ST13: variants seen among roughly 807,000 people sequenced by gnomAD.
ST13 encodes the protein ST13 Hsp70 interacting protein.
Under a neutral mutation model 56.7 loss-of-function variants are expected in ST13, and 23 were observed. The ratio of observed to expected loss-of-function variants is 0.41; its 90% CI spans 0.29 to 0.57. The LOEUF (loss-of-function observed/expected upper bound fraction) is 0.57. Ranked by LOEUF, ST13 falls within the 20% of genes least tolerant of loss-of-function variation. The probability of loss-of-function intolerance (pLI) is 0.36; values close to 1 mark genes in which losing one functional copy is unlikely to be tolerated. For synonymous variants in ST13, 132 were observed against 142.4 expected, an observed-to-expected ratio of 0.93 and a Z score of 0.52; for missense variants, 369 against 459.9, an observed-to-expected ratio of 0.80 and a Z score of 1.81.
intron 5 of ST13, among the ~76,000 whole-genome samples, chr22:40,837,874 T>C (rs1192372046): frequency 1.3e-5 from 2 of 152,288 alleles, no homozygotes; most frequent in Non-Finnish European, 2.9e-5. Flanking sequence ...TCTTGGACTC[T>C]TGGACTCAAG....
At chr22:40,847,995 C>T (rs142633730) in intron 3 of ST13, among the ~76,000 whole-genome samples, 152 of 151,772 alleles carry the variant, frequency 1.0e-3, no homozygotes, top group African/African-American at 3.6e-3. Context: ...TGCAGTGAGC[C>T]GAGATTGTGC....
intron 10 of ST13, among the ~76,000 whole-genome samples, chr22:40,828,233 C>A (rs2057737665): frequency 6.6e-6 from 1 of 152,128 alleles, no homozygotes; most frequent in Non-Finnish European, 1.5e-5. Context: ...CGATTATAAA[C>A]CCAAATAATC....
intron 1 of ST13, among the ~76,000 whole-genome samples, chr22:40,852,452 T>C (rs959782048): frequency 6.6e-6 from 1 of 152,250 alleles, no homozygotes; most frequent in Non-Finnish European, 1.5e-5. Context: ...TTGCAAATAT[T>C]TTCTCCCACC....
intron 3 of ST13, among the ~76,000 whole-genome samples, chr22:40,846,846 T>C (rs1355753036): frequency 1.3e-5 from 2 of 151,728 alleles, no homozygotes; most frequent in Non-Finnish European, 2.9e-5. Context: ...TACAAAAAAA[T>C]TAGCCAGGCA....
chr22:40,850,475 C>T (rs995428645), intron 2 of ST13, among the ~76,000 whole-genome samples: 1 of 152,080 alleles, frequency 6.6e-6, no homozygotes, highest in African/African-American at 2.4e-5. Context: ...ATTTACTCTG[C>T]AAATAATAAA....
Position 40,836,096 on chromosome 22 carries a change from C to T in ST13, c.383-209G>A, listed in dbSNP as rs865831924. On this transcript the variant is annotated intron_variant, in intron 5 of 11. Coordinates refer to ENST00000216218, the MANE Select transcript of ST13 (RefSeq NM_003932.5). ...CACGAGGTAAGACAATTTCTGAGTA[C>T]GTAAGCCCCTAACTAACAATAGAAT... is the stretch of plus-strand genomic sequence containing the variant. The T allele has an allele frequency of 6.5e-5, 32 of 494,110 alleles. No homozygotes were observed. The Middle Eastern group carries it at 2.9e-3, about 44-fold the overall frequency. 30.6% of individuals were successfully genotyped at this position (494,110 alleles called of 1,614,324 possible).
At chr22:40,833,641 T>G (rs1772318782) in intron 7 of ST13, among the ~76,000 whole-genome samples, 1 of 151,496 alleles carries the variant, frequency 6.6e-6, no homozygotes, top group African/African-American at 2.4e-5. Context: ...TTTGGGAGGC[T>G]GAGGCTGGTG....
intron 10 of ST13, among the ~76,000 whole-genome samples, chr22:40,828,485 C>A (rs981291037): frequency 1.3e-5 from 2 of 151,350 alleles, no homozygotes; most frequent in Non-Finnish European, 2.9e-5. Context: ...TGGTGGCAGG[C>A]GCCTGTAGTC....
chr22:40,842,764 G>A lies in ST13; in HGVS notation c.316-2072C>T, dbSNP rs185498290. 5.8e-3 allele frequency among the ~76,000 whole-genome samples: 886 copies of A among 152,256 alleles called. 7 individuals are homozygous for A. Among genetic ancestry groups the A allele is most frequent in the Middle Eastern group, 0.01 (3 of 294 alleles). Reference sequence around the variant, plus strand: ...TTATAAACCTAGACACATCATAAAAGAAGTAATACCATCAATAAACATAAC... The same window carrying A: ...TTATAAACCTAGACACATCATAAAAAAAGTAATACCATCAATAAACATAAC... On this transcript the variant is annotated intron_variant, in intron 4 of 11. Coordinates refer to ENST00000216218, the MANE Select transcript of ST13 (RefSeq NM_003932.5).
At position 40,827,846 on chromosome 22, in the gene ST13, G is replaced by A. The variant is rs370752754; in HGVS notation, c.848-617C>T. ...AACACTGTTAAAAAAGACTAATCTC[G>A]CCTTAAAAGCAAAGAGTCATCTAAC... On this transcript the variant is annotated intron_variant, in intron 10 of 11. Transcript: ENST00000216218. Among the ~76,000 whole-genome samples the A allele has an allele frequency of 2.2e-4, 33 of 151,854 alleles. No individual in the cohort carries two copies. The East Asian group carries it at 5.0e-3, about 23-fold the overall frequency.
chr22:40,851,842 T>C (rs1569006049), intron 1 of ST13, among the ~76,000 whole-genome samples: 1 of 150,752 alleles, frequency 6.6e-6, no homozygotes, highest in Non-Finnish European at 1.5e-5. Context: ...ACCTCCTGGG[T>C]TCAAGCGATT....
rs2145748146 is a variant in ST13, at chr22:40,848,376, A to C, written c.169-7T>G. ...TACTATCAGGTTTTTCTTCCTAGCA[A>C]AGGGAAGACAAACAGTACTATCAGT... On this transcript the variant is annotated splice_polypyrimidine_tract_variant and splice_region_variant and intron_variant, in intron 2 of 11. Transcript: ENST00000216218. 3.2e-6 allele frequency: 5 copies of C among 1,582,500 alleles called. No homozygotes were observed. The highest frequency in any genetic ancestry group is 1.7e-4 in the Middle Eastern group (1 of 5,854).
chr22:40,850,823 C>T lies in ST13; in HGVS notation c.168G>A (p.Lys56=), dbSNP rs760404812. 6 of 1,600,534 alleles carry T rather than the reference C, an allele frequency of 3.7e-6. No individual in the cohort carries two copies. The highest frequency in any genetic ancestry group is 1.1e-5 in the South Asian group (1 of 89,308). ...TQKAKSEENT[K]EEKPDSKKVE... ...ACATACAAATGAAATTAAAACTTAC[C>T]TTGGTATTTTCTTCTGATTTAGCTT... Residue 56 remains lysine (K), a splice_region_variant and synonymous_variant, in exon 2 of 12, where the codon AAG becomes AAA. Coordinates refer to ENST00000216218, the MANE Select transcript of ST13 (RefSeq NM_003932.5).
intron 4 of ST13, among the ~76,000 whole-genome samples, chr22:40,842,216 CA>C (rs2145742552): frequency 6.6e-6 from 1 of 152,298 alleles, no homozygotes; most frequent in South Asian, 2.1e-4. Context: ...TCAGAGACTT[CA>C]TGGAAGCAAT....
intron 3 of ST13, among the ~76,000 whole-genome samples, chr22:40,846,390 AGT>A (rs2057831420): frequency 6.6e-6 from 1 of 152,218 alleles, no homozygotes; most frequent in Non-Finnish European, 1.5e-5. Context: ...TCAAGTATAC[AGT>A]ATTATAGTCA....
intron 4 of ST13, among the ~76,000 whole-genome samples, chr22:40,841,922 A>G (rs1370074945): frequency 6.6e-6 from 1 of 152,168 alleles, no homozygotes; most frequent in Non-Finnish European, 1.5e-5. Context: ...AATGCAGGAC[A>G]CAGGATACAA....
chr22:40,827,009 CTA>C, intron 11 of ST13, 85 bp downstream of exon 11: 1 of 1,409,748 alleles, frequency 7.1e-7, no homozygotes, highest in East Asian at 2.3e-5. Context: ...TAAAAAATAG[CTA>C]TGAGAGTAAC....
intron 1 of ST13, among the ~76,000 whole-genome samples, chr22:40,855,421 A>G (rs2057885484): frequency 6.6e-6 from 1 of 152,152 alleles, no homozygotes; most frequent in Admixed American, 6.5e-5. Context: ...GGCCTGGACA[A>G]TACAGCCAAA....
At position 40,827,106 on chromosome 22, in the gene ST13, G is replaced by C. The variant is rs1415687106; in HGVS notation, c.971C>G (p.Ala324Gly). 6.2e-7 allele frequency: 1 copy of C among 1,611,550 alleles called. No individual in the cohort carries two copies. Among genetic ancestry groups the C allele is most frequent in the Non-Finnish European group, 8.5e-7 (1 of 1,179,734 alleles). ...TCTTCCAAGTCTTACCTGCATGGCT[G>C]CAAGAACCTCTGGATCACTAAGAAT... ...NEILSDPEVL[A>G]AMQDPEVMVA... Residue 324 changes from alanine to glycine, a missense_variant, in exon 11 of 12, where the codon GCA becomes GGA. Transcript: ENST00000216218.
Sources: gnomAD v4.1 joint callset for allele counts (sites outside exome capture counted in the v4.1 genomes callset) on GRCh38, gnomAD v4.1.1 for gene constraint, MANE v1.5 for transcripts, NCBI Gene and HGNC (gene_info 2026-07-23, HGNC 2026-07-21) for gene names.